The following PUDP variants were observed in gnomAD, a reference collection of about 807,000 sequenced individuals.
The protein encoded by PUDP is pseudouridine 5'-phosphatase.
Under a neutral mutation model 9.4 loss-of-function variants are expected in PUDP, and 8 were observed. That is an observed-to-expected ratio of 0.85 (90% CI 0.50 to 1.53). PUDP has a LOEUF of 1.53. Among genes scored for constraint, PUDP ranks in the 40% most tolerant of loss-of-function variants. PUDP has a pLI of 0.00. For synonymous variants in PUDP, 99 were observed against 80.7 expected (o/e 1.23, Z -1.22); for missense variants, 188 against 189.7 (o/e 0.99, Z 0.05).
At chrX:7,064,620 C>A (rs1264319695) in intron 3 of PUDP, among the ~76,000 whole-genome samples, 1 of 111,312 alleles carries the variant, frequency 9.0e-6, no homozygotes. Context: ...ACCAACCTCT[C>A]CTGAGTCATG....
At chrX:6,966,896 T>C (rs1192154943) in intron 3 of PUDP, among the ~76,000 whole-genome samples, 1 of 111,567 alleles carries the variant, frequency 9.0e-6, no homozygotes, top group Non-Finnish European at 1.9e-5. Context: ...GGATGCTGGT[T>C]TTAACAAGGT....
At chrX:6,797,916 C>T (rs1336577272) in intron 3 of PUDP, among the ~76,000 whole-genome samples, 1 of 112,165 alleles carries the variant, frequency 8.9e-6, no homozygotes, top group Non-Finnish European at 1.9e-5. Context: ...TGAAAAATTT[C>T]AACATGGTTT....
intron 3 of PUDP, among the ~76,000 whole-genome samples, chrX:6,942,577 A>C (rs1358311605): frequency 8.9e-6 from 1 of 112,045 alleles, no homozygotes; most frequent in Non-Finnish European, 1.9e-5. Context: ...AATACCTTTT[A>C]GGTACCCTAA....
intron 3 of PUDP, among the ~76,000 whole-genome samples, chrX:6,941,027 C>A (rs1928390738): frequency 8.9e-6 from 1 of 111,925 alleles, no homozygotes; most frequent in African/African-American, 3.2e-5. Flanking sequence ...ATGGCCCTCC[C>A]TCTTTCCCAT....
chrX:7,045,728 C>T (rs2047052180), downstream of PUDP, among the ~76,000 whole-genome samples: 2 of 111,175 alleles, frequency 1.8e-5, no homozygotes, highest in Admixed American at 1.9e-4. Context: ...CTAAAAAGTC[C>T]AAACAAGATC....
chrX:6,711,348 G>T (rs895214781), intron 1 of PUDP, among the ~76,000 whole-genome samples: 2 of 111,322 alleles, frequency 1.8e-5, no homozygotes, highest in Admixed American at 1.9e-4. Flanking sequence ...GATTCTTCTT[G>T]CTTCTCTCTC....
At chrX:6,831,013 G>C (rs756938126) in intron 3 of PUDP, among the ~76,000 whole-genome samples, 2 of 111,308 alleles carry the variant, frequency 1.8e-5, no homozygotes, top group African/African-American at 6.5e-5. Context: ...GGCTTTTATG[G>C]GTAATTTGGT....
chrX:6,856,558 C>T (rs1258688706), intron 3 of PUDP, among the ~76,000 whole-genome samples: 1 of 111,881 alleles, frequency 8.9e-6, no homozygotes, highest in Non-Finnish European at 1.9e-5. Flanking sequence ...CTTGCCAAGG[C>T]ACCCAGCTGC....
intron 3 of PUDP, among the ~76,000 whole-genome samples, chrX:6,788,480 A>G (rs1356454022): frequency 8.9e-6 from 1 of 111,974 alleles, no homozygotes; most frequent in Non-Finnish European, 1.9e-5. Context: ...AGGTGGGCAG[A>G]TCCCTTGAGC....
At position 6,783,211 on chromosome X, in the gene PUDP, G is replaced by T. The variant is rs184086019; in HGVS notation, c.*248-76745C>A. ...TTTAAAGATAATAATATTGATTCTT[G>T]CAGAATGTAGTAATAAAGAAAATTA... is the stretch of plus-strand genomic sequence containing the variant. On this transcript the variant is annotated intron_variant and NMD_transcript_variant, in intron 3 of 3. Transcript: ENST00000655425. Among the ~76,000 whole-genome samples the T allele has an allele frequency of 6.2e-5, 7 of 112,057 alleles. No individual in the cohort carries two copies. The East Asian group carries it at 2.0e-3, about 31-fold the overall frequency.
At chrX:6,968,505 G>A (rs1270648834) in intron 3 of PUDP, among the ~76,000 whole-genome samples, 2 of 111,372 alleles carry the variant, frequency 1.8e-5, no homozygotes, top group Non-Finnish European at 3.8e-5. Flanking sequence ...CTGGAGAGCT[G>A]ATGGTGGGGC....
intron 3 of PUDP, among the ~76,000 whole-genome samples, chrX:6,782,629 G>A (rs1925583368): frequency 9.0e-6 from 1 of 111,199 alleles, no homozygotes; most frequent in Non-Finnish European, 1.9e-5. Context: ...CAATACTCTG[G>A]GCACATGGAG....
At chrX:6,914,166 CA>C (rs11313132) in intron 3 of PUDP, among the ~76,000 whole-genome samples, 15,692 of 54,597 alleles carry the variant, frequency 0.29, 1,273 homozygotes, top group Middle Eastern at 0.43. Flanking sequence ...GACCCCGTCT[CA>C]AAAAAAAAAA....
At chrX:6,781,966 G>T (rs1055155391) in intron 3 of PUDP, among the ~76,000 whole-genome samples, 1 of 112,308 alleles carries the variant, frequency 8.9e-6, no homozygotes, top group Non-Finnish European at 1.9e-5. Context: ...CAAACCTGGT[G>T]AAGAGAAACG....
chrX:6,940,172 C>T (rs1377688751), intron 3 of PUDP, among the ~76,000 whole-genome samples: 1 of 113,330 alleles, frequency 8.8e-6, no homozygotes, highest in East Asian at 2.8e-4. Context: ...ATAGCTTATA[C>T]TAGGGGATAG....
intron 3 of PUDP, among the ~76,000 whole-genome samples, chrX:6,838,292 T>C (rs1667248368): frequency 8.9e-6 from 1 of 112,876 alleles, no homozygotes; most frequent in Admixed American, 9.4e-5. Context: ...CTCATTTGCC[T>C]CTGCAAATCG....
chrX:6,732,609 A>C, intron 3 of PUDP, among the ~76,000 whole-genome samples: 1 of 97,923 alleles, frequency 1.0e-5, no homozygotes. Context: ...AAGGGAAGGG[A>C]AGGAGGGAGG....
intron 3 of PUDP, among the ~76,000 whole-genome samples, chrX:7,053,722 G>T (rs1043334650): frequency 7.1e-4 from 79 of 111,357 alleles, no homozygotes; most frequent in African/African-American, 2.3e-3. Flanking sequence ...GACTAATACA[G>T]GGGGTCTGCA....
intron 1 of PUDP, chrX:6,721,325 A>G (rs1924671222): frequency 8.9e-6 from 1 of 112,202 alleles, no homozygotes; most frequent in African/African-American, 3.2e-5. Context: ...ACCCATCCCA[A>G]GTGAGGTGAA....
Sources: allele counts gnomAD v4.1 joint callset (sites outside exome capture counted in the v4.1 genomes callset), GRCh38; gene constraint gnomAD v4.1.1; transcripts MANE v1.5; gene names NCBI Gene and HGNC (gene_info 2026-07-23, HGNC 2026-07-21).